The following LMBR1 variants were observed in gnomAD, a reference collection of about 807,000 sequenced individuals.
The protein encoded by LMBR1 is limb development membrane protein 1, also known as limb region 1 protein homolog.
Under a neutral mutation model 73.9 loss-of-function variants are expected in LMBR1, and 52 were observed. The observed-to-expected ratio is 0.70, with a 90% CI of 0.56 to 0.89. The LOEUF (loss-of-function observed/expected upper bound fraction) is 0.89, where lower values mean the gene tolerates loss of function less well. Among genes scored for constraint, LMBR1 ranks in the 40% least tolerant of loss-of-function variants. The pLI is 0.00. For synonymous variants in LMBR1, 215 were observed against 209.4 expected, an observed-to-expected ratio of 1.03 and a Z score of -0.23; for missense variants, 539 against 579.8, an observed-to-expected ratio of 0.93 and a Z score of 0.72.
rs993718876 is a variant in LMBR1, at chr7:156,669,795, G to A, written n.867-508C>T. On this transcript the variant is annotated intron_variant and non_coding_transcript_variant, in intron 4 of 4. Coordinates refer to the LMBR1 transcript ENST00000430825. This position sits in a 1 kb window ranked among gnomAD's most constrained non-coding sequence, Gnocchi z 4.2. ...CGCTTCCTGGGAGCCTCTGCAGGGC[G>A]TGCCCATGGAGGGGAGGCTCAAAAT... Among the ~76,000 whole-genome samples the A allele has an allele frequency of 5.9e-5, 9 of 152,222 alleles. No homozygotes were observed. Among genetic ancestry groups the A allele is most frequent in the African/African-American group, 1.2e-4 (5 of 41,464 alleles).
chr7:156,810,978 T>A (rs977454137), intron 4 of LMBR1, among the ~76,000 whole-genome samples: 1 of 151,170 alleles, frequency 6.6e-6, no homozygotes, highest in East Asian at 2.0e-4. Flanking sequence ...GCCTGGCTAA[T>A]TTTTGTATTT....
intron 3 of LMBR1, among the ~76,000 whole-genome samples, chr7:156,830,889 C>T (rs1456216000): frequency 6.6e-6 from 1 of 152,196 alleles, no homozygotes; most frequent in Non-Finnish European, 1.5e-5. Context: ...CACTTGAGAA[C>T]AGTGAACGAA....
At chr7:156,672,126 A>G (rs1165873293) in intron 4 of LMBR1, among the ~76,000 whole-genome samples, 1 of 152,202 alleles carries the variant, frequency 6.6e-6, no homozygotes, top group African/African-American at 2.4e-5. Context: ...CTTTCTTGCT[A>G]TATTACACCA....
chr7:156,729,421 A>G (rs191298173), intron 10 of LMBR1, among the ~76,000 whole-genome samples: 16 of 150,288 alleles, frequency 1.1e-4, no homozygotes, highest in Admixed American at 5.3e-4. Context: ...ACATATTGAT[A>G]TATATATATA....
intron 4 of LMBR1, among the ~76,000 whole-genome samples, chr7:156,810,172 C>T (rs899929249): frequency 2.6e-5 from 4 of 152,106 alleles, no homozygotes; most frequent in Admixed American, 6.5e-5. Context: ...TGCTTCCATT[C>T]GTGGCGAAAG....
At position 156,766,235 on chromosome 7, in the gene LMBR1, T is replaced by C. The variant is rs77329670; in HGVS notation, c.424-2440A>G. 2.3e-3 allele frequency among the ~76,000 whole-genome samples: 357 copies of C among 152,166 alleles called. 3 individuals are homozygous for C. The highest frequency in any genetic ancestry group is 7.0e-3 in the African/African-American group (292 of 41,512). The stretch of plus-strand genomic sequence containing the variant: ...AGCAGATGGCCTTGGGATTTAGAGA[T>C]AGTGTATCTCTGAAGCAAAGGAGAG... On this transcript the variant is annotated intron_variant, in intron 5 of 16. Coordinates refer to ENST00000353442, the MANE Select transcript of LMBR1 (RefSeq NM_022458.4).
chr7:156,751,790 G>A (rs989767412), intron 9 of LMBR1, among the ~76,000 whole-genome samples: 20 of 152,206 alleles, frequency 1.3e-4, no homozygotes, highest in African/African-American at 4.3e-4. Flanking sequence ...GAGAAGGGCC[G>A]ATGGCAAAAG....
chr7:156,881,789 C>T (rs1801126493), intron 1 of LMBR1, among the ~76,000 whole-genome samples: 1 of 151,304 alleles, frequency 6.6e-6, no homozygotes, highest in Admixed American at 6.6e-5. Context: ...CACCTCACAC[C>T]TGTTAGGATG....
intron 1 of LMBR1, among the ~76,000 whole-genome samples, chr7:156,871,343 TTGA>T (rs1258751169): frequency 6.6e-6 from 1 of 152,222 alleles, no homozygotes; most frequent in Non-Finnish European, 1.5e-5. Flanking sequence ...GATGGTTTCA[TTGA>T]TGAATGCTAC....
intron 1 of LMBR1, among the ~76,000 whole-genome samples, chr7:156,868,564 G>A (rs1798805006): frequency 6.6e-6 from 1 of 151,920 alleles, no homozygotes; most frequent in African/African-American, 2.4e-5. Flanking sequence ...ATCTAATGCT[G>A]AGTCAGGAGA....
chr7:156,774,843 A>T (rs894999620), intron 5 of LMBR1, among the ~76,000 whole-genome samples: 1 of 151,982 alleles, frequency 6.6e-6, no homozygotes, highest in Non-Finnish European at 1.5e-5. Flanking sequence ...AAAAAAAAGG[A>T]ATGAGATCAT....
intron 9 of LMBR1, among the ~76,000 whole-genome samples, chr7:156,747,751 A>C (rs541861574): frequency 2.0e-5 from 3 of 152,336 alleles, no homozygotes; most frequent in Admixed American, 1.3e-4. Flanking sequence ...ATTTGATTAT[A>C]CTTATTACTT....
chr7:156,872,898 T>C (rs1337682283), intron 1 of LMBR1, among the ~76,000 whole-genome samples: 1 of 152,158 alleles, frequency 6.6e-6, no homozygotes, highest in Non-Finnish European at 1.5e-5. Flanking sequence ...AAGAAGCAGA[T>C]TGCTCCTGCA....
At chr7:156,677,402 C>T (rs888856603), downstream of LMBR1, among the ~76,000 whole-genome samples, 6 of 152,130 alleles carry the variant, frequency 3.9e-5, no homozygotes, top group African/African-American at 1.4e-4. Context: ...CGAGGGTACA[C>T]CATGTGTGAC....
intron 15 of LMBR1, among the ~76,000 whole-genome samples, chr7:156,693,240 T>C (rs1367443799): frequency 1.3e-5 from 2 of 151,396 alleles, no homozygotes; most frequent in Non-Finnish European, 2.9e-5. Flanking sequence ...AGAAGTATAA[T>C]AATCTCAAAG....
At chr7:156,814,544 T>C (rs1167931755) in intron 4 of LMBR1, among the ~76,000 whole-genome samples, 2 of 152,250 alleles carry the variant, frequency 1.3e-5, no homozygotes, top group Non-Finnish European at 2.9e-5. Context: ...CAGTAAAATA[T>C]TGAATATATT....
At chr7:156,704,670 T>C (rs147481119) in intron 15 of LMBR1, among the ~76,000 whole-genome samples, 462 of 144,188 alleles carry the variant, frequency 3.2e-3, no homozygotes, top group Non-Finnish European at 5.3e-3. Context: ...CTCAATGAGA[T>C]GTAAGAGAAA....
At chr7:156,887,072 T>C (rs371885588) in intron 1 of LMBR1, among the ~76,000 whole-genome samples, 1 of 152,206 alleles carries the variant, frequency 6.6e-6, no homozygotes, top group African/African-American at 2.4e-5. Context: ...TACTACCTGA[T>C]ACTAATAGCC....
rs1804895412 is a variant in LMBR1 at position 156,680,807 on chromosome 7, GATA to G, written c.*3268_*3270del. ...ATAAATACCCTTAAGTTTTAGCCATGATAATATTTAAGATGGAAAAAACAAAAG... is the reference window on the plus strand; with the variant it reads ...ATAAATACCCTTAAGTTTTAGCCATGATATTTAAGATGGAAAAAACAAAAG... On this transcript the variant is annotated 3_prime_UTR_variant, in exon 17 of 17. Transcript: ENST00000353442. 1 of 201,514 alleles carries G rather than the reference GATA, an allele frequency of 5.0e-6. No individual in the cohort carries two copies. Among genetic ancestry groups the G allele is most frequent in the East Asian group, 1.8e-4 (1 of 5,604 alleles). The allele number at this position is 201,514 out of a possible 1,614,324, so 12.5% of individuals were successfully genotyped here.
Sources: allele counts gnomAD v4.1 joint callset (sites outside exome capture counted in the v4.1 genomes callset), GRCh38; gene constraint gnomAD v4.1.1; non-coding constraint Gnocchi (gnomAD v3.1); transcripts MANE v1.5; gene names NCBI Gene and HGNC (gene_info 2026-07-23, HGNC 2026-07-21).